LMX1B: variants seen among roughly 807,000 people sequenced by gnomAD.
LMX1B encodes LIM homeobox transcription factor 1-beta.
A neutral mutation model predicts 51.4 loss-of-function variants in LMX1B; 12 were observed. The observed-to-expected ratio is 0.23, with a 90% CI of 0.15 to 0.38. The LOEUF (loss-of-function observed/expected upper bound fraction) is 0.38, where lower values mean the gene tolerates loss of function less well. Among genes scored for constraint, LMX1B ranks in the 10% least tolerant of loss-of-function variants. The pLI is 1.00. For missense variants in LMX1B, 445 were observed against 571.1 expected (o/e 0.78, Z 2.25); for synonymous variants, 237 against 235.4 (o/e 1.01, Z -0.06).
At chr9:126,696,075 G>A in intron 7 of LMX1B, 72 bp downstream of exon 7, 1 of 1,360,808 alleles carries the variant, frequency 7.3e-7, no homozygotes, top group Non-Finnish European at 9.9e-7. Flanking sequence ...CAGGCCTGGG[G>A]CCAGGACAGC....
At position 126,699,407 on chromosome 9, in the gene LMX1B, G is replaced by A. The variant is rs541324163; in HGVS notation, c.*2956G>A. On this transcript the variant is annotated 3_prime_UTR_variant, in exon 8 of 8. Transcript: ENST00000373474. ...CCATTCTGGGGCCTCACAAACCCCC[G>A]AATCCAGCCGGGACCCCATGCCAGG... 15 of 152,322 alleles carry A rather than the reference G, an allele frequency of 9.8e-5. No individual in the cohort carries two copies. Among genetic ancestry groups the A allele is most frequent in the East Asian group, 3.9e-4 (2 of 5,186 alleles). The allele number at this position is 152,322 out of a possible 1,614,324, so 9.4% of individuals were successfully genotyped here.
At chr9:126,657,688 T>A (rs1413503682) in intron 2 of LMX1B, among the ~76,000 whole-genome samples, 2 of 152,254 alleles carry the variant, frequency 1.3e-5, no homozygotes, top group African/African-American at 2.4e-5. Context: ...AGAATCTTGA[T>A]GCATCCATTC....
At chr9:126,639,332 G>A (rs1408957169) in intron 2 of LMX1B, among the ~76,000 whole-genome samples, 1 of 152,174 alleles carries the variant, frequency 6.6e-6, no homozygotes, top group African/African-American at 2.4e-5. Flanking sequence ...GGGGCTCCCA[G>A]CCAGCCTGCC....
At chr9:126,620,848 C>T (rs1835397748) in intron 2 of LMX1B, among the ~76,000 whole-genome samples, 1 of 152,154 alleles carries the variant, frequency 6.6e-6, no homozygotes, top group Non-Finnish European at 1.5e-5. Flanking sequence ...TTTGTACTTA[C>T]TGTTTTGTGA....
chr9:126,633,880 G>A (rs750427801), intron 2 of LMX1B, among the ~76,000 whole-genome samples: 1 of 152,106 alleles, frequency 6.6e-6, no homozygotes, highest in Non-Finnish European at 1.5e-5. Flanking sequence ...CCATTTCAGC[G>A]ATATGGAGAC....
chr9:126,679,944 C>T (rs890899394), intron 2 of LMX1B, among the ~76,000 whole-genome samples: 1 of 152,250 alleles, frequency 6.6e-6, no homozygotes, highest in Non-Finnish European at 1.5e-5. Flanking sequence ...ACTCTGCCCT[C>T]CACCCGGCTA....
At chr9:126,655,774 G>C (rs1292333176) in intron 2 of LMX1B, among the ~76,000 whole-genome samples, 1 of 152,198 alleles carries the variant, frequency 6.6e-6, no homozygotes, top group Admixed American at 6.5e-5. Context: ...CCATTTTGAA[G>C]TGTACAATTC....
chr9:126,656,491 A>C (rs1365983937), intron 2 of LMX1B, among the ~76,000 whole-genome samples: 1 of 152,214 alleles, frequency 6.6e-6, no homozygotes, highest in Non-Finnish European at 1.5e-5. Context: ...TCAGACAGAC[A>C]AGGACGAAGG....
At chr9:126,660,019 C>CTACACTGGCTTCAGAGATTGTCT (rs1836202214) in intron 2 of LMX1B, among the ~76,000 whole-genome samples, 1 of 80,308 alleles carries the variant, frequency 1.2e-5, no homozygotes. Context: ...GGAAATTGTC[C>CTACACTGGCTTCAGAGATTGTCT]TGTGTGGGGG....
At chr9:126,623,895 GC>G (rs1216991926) in intron 2 of LMX1B, among the ~76,000 whole-genome samples, 1 of 152,180 alleles carries the variant, frequency 6.6e-6, no homozygotes, top group East Asian at 1.9e-4. Flanking sequence ...GCCTCCACCC[GC>G]GCACCCCTCC....
In LMX1B at chr9:126,614,175, T is replaced by A. The variant is rs1024121427; in HGVS notation, c.-275T>A. 6.9e-6 allele frequency among the ~76,000 whole-genome samples: 1 copy of A among 144,376 alleles called. No homozygotes were observed. The highest frequency in any genetic ancestry group is 2.5e-5 in the African/African-American group (1 of 40,306). The allele number at this position is 144,376 out of a possible 152,430, so 94.7% of individuals were successfully genotyped here. ...TCTGCAGCAGCCGCCGCCGCCGGGT[T>A]CCGGGACTGACAAGCAGGTGACAGA... On this transcript the variant is annotated 5_prime_UTR_variant, in exon 1 of 8. Coordinates refer to ENST00000373474, the MANE Select transcript of LMX1B (RefSeq NM_001174147.2).
At chr9:126,670,900 C>A (rs898644262) in intron 2 of LMX1B, among the ~76,000 whole-genome samples, 3 of 152,114 alleles carry the variant, frequency 2.0e-5, no homozygotes, top group Non-Finnish European at 4.4e-5. Flanking sequence ...ACTTACTGTG[C>A]GTGTCACAGG....
At chr9:126,687,251 C>T (rs1248666690) in intron 2 of LMX1B, among the ~76,000 whole-genome samples, 1 of 150,812 alleles carries the variant, frequency 6.6e-6, no homozygotes, top group African/African-American at 2.4e-5. Flanking sequence ...TTTTTTGAGA[C>T]GGAGTCTCTC....
At chr9:126,666,482 A>C (rs1201166701) in intron 2 of LMX1B, among the ~76,000 whole-genome samples, 4 of 152,210 alleles carry the variant, frequency 2.6e-5, no homozygotes, top group Admixed American at 6.5e-5. Flanking sequence ...GGAAGCAGGA[A>C]GGGAGAAAGA....
At position 126,615,362 on chromosome 9, in the gene LMX1B, C is replaced by T. The variant is rs1201432265; in HGVS notation, c.140-21C>T. On this transcript the variant is annotated intron_variant, in intron 1 of 7. Coordinates refer to ENST00000373474, the MANE Select transcript of LMX1B (RefSeq NM_001174147.2). This position sits in a 1 kb window ranked among gnomAD's most constrained non-coding sequence, Gnocchi z 6.0. ...GGGCCGGGCGGCGCTGACGGCCGGG[C>T]TTTCGCCCTGTGCGCTACAGGCTCC... 1 of 1,550,220 alleles carries T rather than the reference C, an allele frequency of 6.5e-7. No individual in the cohort carries two copies. The highest frequency in any genetic ancestry group is 8.7e-7 in the Non-Finnish European group (1 of 1,153,472).
chr9:126,668,123 A>T (rs1836380886), intron 2 of LMX1B, among the ~76,000 whole-genome samples: 2 of 152,162 alleles, frequency 1.3e-5, no homozygotes, highest in African/African-American at 4.8e-5. Context: ...GGAGGGCAGA[A>T]GAAGAGCTGC....
At chr9:126,650,223 C>T (rs1443223409) in intron 2 of LMX1B, among the ~76,000 whole-genome samples, 4 of 152,176 alleles carry the variant, frequency 2.6e-5, no homozygotes, top group East Asian at 1.9e-4. Flanking sequence ...TGCCCTGCCC[C>T]GAAGTCGGTG....
intron 2 of LMX1B, among the ~76,000 whole-genome samples, chr9:126,624,666 G>GT (rs67202253): frequency 1.0e-4 from 15 of 146,388 alleles, no homozygotes; most frequent in South Asian, 4.2e-4. Flanking sequence ...TTTTTATCTT[G>GT]TTTTTTTTTT....
rs1193745986 is a variant in LMX1B at position 126,695,957 on chromosome 9, G to C, written c.1005G>C (p.Gln335His). 1 of 1,612,968 alleles carries C rather than the reference G, an allele frequency of 6.2e-7. No individual in the cohort carries two copies. Among genetic ancestry groups the C allele is most frequent in the South Asian group, 1.1e-5 (1 of 91,048 alleles). The change falls in exon 7 of 8, where the codon CAG becomes CAC. Residue 335 changes from glutamine to histidine, a missense_variant. By Grantham distance (24) the Gln-to-His change is conservative (BLOSUM62 0). This residue lies in a region of LMX1B where 162 missense variants were observed against 187.8 expected (regional missense o/e 0.86). Transcript: ENST00000373474. This position sits in a 1 kb window ranked among gnomAD's most constrained non-coding sequence, Gnocchi z 5.2. ...ACGGCAGCAGCGACCCCTTCCAGCA[G>C]GGCCTCACGCCGCCCCAAATGCCAG... ...SPYGSSDPFQ[Q>H]GLTPPQMPGD...
Sources: gnomAD v4.1 joint callset for allele counts (sites outside exome capture counted in the v4.1 genomes callset) on GRCh38, gnomAD v4.1.1 for gene constraint, gnomAD v4.1.1 regional missense constraint, Gnocchi (gnomAD v3.1) non-coding constraint, MANE v1.5 for transcripts, NCBI Gene and HGNC (gene_info 2026-07-23, HGNC 2026-07-21) for gene names.